The following MAN1C1 variants were observed in gnomAD, a reference collection of about 807,000 sequenced individuals.
MAN1C1 encodes the protein mannosyl-oligosaccharide 1,2-alpha-mannosidase IC.
MAN1C1 carries 49 observed loss-of-function variants against 71.5 expected under a neutral mutation model. The observed-to-expected ratio is 0.69, with a 90% CI of 0.54 to 0.87. The LOEUF (loss-of-function observed/expected upper bound fraction) is 0.87, where lower values mean the gene tolerates loss of function less well. Ranked by LOEUF, MAN1C1 falls within the 40% of genes least tolerant of loss-of-function variation. MAN1C1 has a pLI of 0.00. For synonymous variants in MAN1C1, 352 were observed against 343.7 expected (o/e 1.02, Z -0.27); for missense variants, 743 against 835.0 (o/e 0.89, Z 1.36).
chr1:25,706,815 A>G (rs2046530400), intron 2 of MAN1C1, among the ~76,000 whole-genome samples: 1 of 152,146 alleles, frequency 6.6e-6, no homozygotes, highest in Non-Finnish European at 1.5e-5. Flanking sequence ...TGACCCTACT[A>G]GGCCTGGCTG....
chr1:25,747,656 G>A (rs1389278589), intron 3 of MAN1C1, among the ~76,000 whole-genome samples: 1 of 152,158 alleles, frequency 6.6e-6, no homozygotes, highest in African/African-American at 2.4e-5. Context: ...AGAGCAGGGT[G>A]GAGAGAGAGT....
At position 25,782,846 on chromosome 1, in the gene MAN1C1, C is replaced by G. The variant is rs910368953; in HGVS notation, c.1766+146C>G. 4 of 625,596 alleles carry G rather than the reference C, an allele frequency of 6.4e-6. No homozygotes were observed. The highest frequency in any genetic ancestry group is 1.1e-5 in the Non-Finnish European group (4 of 356,486). The allele number at this position is 625,596 out of a possible 1,614,324, so 38.8% of individuals were successfully genotyped here. On this transcript the variant is annotated intron_variant, in intron 11 of 11. Coordinates refer to ENST00000374332, the MANE Select transcript of MAN1C1 (RefSeq NM_020379.4). This position sits in a 1 kb window ranked among gnomAD's most constrained non-coding sequence, Gnocchi z 4.4. ...GGGCTTGGGATCCAGAGGGCTGCAC[C>G]CCAGGTGTGAGCCTTGGGCCAGGCC... is the stretch of plus-strand genomic sequence containing the variant.
chr1:25,623,750 C>G (rs1186138535), intron 1 of MAN1C1, among the ~76,000 whole-genome samples: 4 of 152,192 alleles, frequency 2.6e-5, no homozygotes, highest in Non-Finnish European at 4.4e-5. Context: ...GAAGAAACCT[C>G]TTTTTGCATC....
At chr1:25,675,602 G>C (rs562092474) in intron 1 of MAN1C1, among the ~76,000 whole-genome samples, 1 of 147,640 alleles carries the variant, frequency 6.8e-6, no homozygotes, top group Non-Finnish European at 1.5e-5. Context: ...GGGGGAGGTG[G>C]TTACCCAGTG....
At chr1:25,677,916 C>T (rs2046092899) in intron 1 of MAN1C1, among the ~76,000 whole-genome samples, 1 of 149,324 alleles carries the variant, frequency 6.7e-6, no homozygotes, top group East Asian at 1.9e-4. Context: ...TGGCTGACCA[C>T]CCAGGCACTT....
chr1:25,694,293 C>A (rs2744780), intron 2 of MAN1C1, among the ~76,000 whole-genome samples: 35,357 of 152,104 alleles, frequency 0.23, 6,839 homozygotes, highest in African/African-American at 0.53. Context: ...ATGTTCAGGC[C>A]TCTTCTCTGT....
At chr1:25,668,607 G>A (rs966295070) in intron 1 of MAN1C1, among the ~76,000 whole-genome samples, 9 of 149,766 alleles carry the variant, frequency 6.0e-5, no homozygotes, top group Non-Finnish European at 1.0e-4. Flanking sequence ...CCAGGCTGGA[G>A]TGCAGTGGCA....
At chr1:25,649,937 C>T (rs571062419) in intron 1 of MAN1C1, among the ~76,000 whole-genome samples, 1 of 152,318 alleles carries the variant, frequency 6.6e-6, no homozygotes, top group South Asian at 2.1e-4. Context: ...CGTGCCCGGC[C>T]TGGCCTTGTT....
chr1:25,679,937 C>CAAAAAAA (rs1237281245), intron 1 of MAN1C1, among the ~76,000 whole-genome samples: 1 of 85,796 alleles, frequency 1.2e-5, no homozygotes, highest in African/African-American at 4.6e-5. Flanking sequence ...ACCTCTGTCT[C>CAAAAAAA]AAAAAAAAAA....
At chr1:25,644,516 ATAT>A (rs1557746287) in intron 1 of MAN1C1, 1 of 72,340 alleles carries the variant, frequency 1.4e-5, no homozygotes, top group Non-Finnish European at 2.2e-5. Flanking sequence ...ATATATATAT[ATAT>A]TTTTTTTTTT....
intron 4 of MAN1C1, among the ~76,000 whole-genome samples, chr1:25,751,630 C>T (rs1050918986): frequency 6.6e-6 from 1 of 152,268 alleles, no homozygotes; most frequent in Non-Finnish European, 1.5e-5. Flanking sequence ...CCACACCTTC[C>T]TGATCTATCC....
At chr1:25,747,469 T>G (rs1036360755) in intron 3 of MAN1C1, among the ~76,000 whole-genome samples, 2 of 152,208 alleles carry the variant, frequency 1.3e-5, no homozygotes, top group Non-Finnish European at 2.9e-5. Context: ...GAGAGGCTAT[T>G]TACATAGACT....
Position 25,759,624 on chromosome 1 carries a change from T to C in MAN1C1, c.1047+915T>C, listed in dbSNP as rs117035376. On this transcript the variant is annotated intron_variant, in intron 6 of 11. Coordinates refer to ENST00000374332, the MANE Select transcript of MAN1C1 (RefSeq NM_020379.4). Reference sequence around the variant, plus strand: ...CCCACAGCTACCCCATGGCTCCCAGTATCATGTCGCCATCCAGCCTCAAAG... The same window carrying C: ...CCCACAGCTACCCCATGGCTCCCAGCATCATGTCGCCATCCAGCCTCAAAG... 4 of 152,310 alleles carry C rather than the reference T, an allele frequency of 2.6e-5. No individual in the cohort carries two copies. In the East Asian group the frequency reaches 7.7e-4, roughly 29 times the overall value. The allele number at this position is 152,310 out of a possible 1,614,324, so 9.4% of individuals were successfully genotyped here.
At chr1:25,624,998 ATTTTT>A (rs1032269792) in intron 1 of MAN1C1, among the ~76,000 whole-genome samples, 8 of 101,590 alleles carry the variant, frequency 7.9e-5, no homozygotes, top group Admixed American at 5.6e-4. Context: ...AAATGCACAG[ATTTTT>A]TTTTTTTTTT....
At chr1:25,724,318 G>A (rs1017852579) in intron 2 of MAN1C1, among the ~76,000 whole-genome samples, 2 of 152,134 alleles carry the variant, frequency 1.3e-5, no homozygotes, top group African/African-American at 2.4e-5. Context: ...GAGCCATCAC[G>A]CCTAGCCTAT....
chr1:25,673,236 C>T (rs1397243356), intron 1 of MAN1C1, among the ~76,000 whole-genome samples: 1 of 152,144 alleles, frequency 6.6e-6, no homozygotes, highest in African/African-American at 2.4e-5. Context: ...GGAGCACCTG[C>T]GAACACTTAG....
At position 25,779,394 on chromosome 1, in the gene MAN1C1, T is replaced by C. The variant is rs1195103221; in HGVS notation, c.1477+1070T>C. 6.6e-6 allele frequency among the ~76,000 whole-genome samples: 1 copy of C among 152,182 alleles called. No homozygotes were observed. The highest frequency in any genetic ancestry group is 1.5e-5 in the Non-Finnish European group (1 of 68,030). ...GCAGGCACTTGCTGACCGCCCATCA[T>C]GATGTGTCTGTGCCCGCCCCAGCTG... On this transcript the variant is annotated intron_variant, in intron 9 of 11. Transcript: ENST00000374332. This position sits in a 1 kb window ranked among gnomAD's most constrained non-coding sequence, Gnocchi z 4.6.
intron 1 of MAN1C1, among the ~76,000 whole-genome samples, chr1:25,642,817 C>T (rs1411818685): frequency 6.6e-6 from 1 of 152,144 alleles, no homozygotes; most frequent in Non-Finnish European, 1.5e-5. Flanking sequence ...GCTCCGAGGC[C>T]GCTGGCTGCA....
intron 2 of MAN1C1, among the ~76,000 whole-genome samples, chr1:25,744,514 C>T (rs2047102087): frequency 1.3e-5 from 2 of 152,186 alleles, no homozygotes; most frequent in African/African-American, 2.4e-5. Flanking sequence ...CGACCTCCAG[C>T]CCATCCCAGG....
Sources: allele counts gnomAD v4.1 joint callset (sites outside exome capture counted in the v4.1 genomes callset), GRCh38; gene constraint gnomAD v4.1.1; non-coding constraint Gnocchi (gnomAD v3.1); transcripts MANE v1.5; gene names NCBI Gene and HGNC (gene_info 2026-07-23, HGNC 2026-07-21).